Variants in ZFHX4 observed in about 807,000 individuals in gnomAD.
ZFHX4 encodes zinc finger homeobox protein 4.
In ZFHX4, 56 loss-of-function variants were observed where a neutral mutation model predicts 267.6. That is an observed-to-expected ratio of 0.21 (90% CI 0.17 to 0.26). The LOEUF (loss-of-function observed/expected upper bound fraction) is 0.26. Among genes scored for constraint, ZFHX4 ranks in the 10% least tolerant of loss-of-function variants. The probability of loss-of-function intolerance (pLI) is 1.00; values close to 1 mark genes in which losing one functional copy is unlikely to be tolerated. For synonymous variants in ZFHX4, 1,778 were observed against 1,665.6 expected, an observed-to-expected ratio of 1.07 and a Z score of -1.64; for missense variants, 4,332 against 4,420.0, an observed-to-expected ratio of 0.98 and a Z score of 0.56.
At chr8:76,683,558 C>A (rs1371335380) in intron 1 of ZFHX4, among the ~76,000 whole-genome samples, 4 of 151,464 alleles carry the variant, frequency 2.6e-5, no homozygotes, top group Non-Finnish European at 5.9e-5. Context: ...CCCCCCCACC[C>A]TTTTTATTAA....
intron 4 of ZFHX4, among the ~76,000 whole-genome samples, chr8:76,787,051 A>G (rs1393031344): frequency 3.3e-5 from 5 of 152,220 alleles, no homozygotes; most frequent in Non-Finnish European, 7.3e-5. Flanking sequence ...ATCACTGTGT[A>G]TAAATGCATA....
chr8:76,768,705 A>G (rs1202572485), intron 3 of ZFHX4, among the ~76,000 whole-genome samples: 1 of 152,136 alleles, frequency 6.6e-6, no homozygotes, highest in African/African-American at 2.4e-5. Context: ...AGGCCCCAGA[A>G]GGAGATAATT....
intron 10 of ZFHX4, among the ~76,000 whole-genome samples, chr8:76,858,784 A>G (rs1812796059): frequency 6.6e-6 from 1 of 152,230 alleles, no homozygotes; most frequent in African/African-American, 2.4e-5. Flanking sequence ...GAACATTATA[A>G]GTAAAATATT....
At position 76,851,982 on chromosome 8, in the gene ZFHX4, A is replaced by G; in HGVS notation, c.5061A>G (p.Pro1687=). 1 of 1,613,946 alleles carries G rather than the reference A, an allele frequency of 6.2e-7. No homozygotes were observed. Among genetic ancestry groups the G allele is most frequent in the Non-Finnish European group, 8.5e-7 (1 of 1,179,852 alleles). ...TCTCTGCTCAACCTGCACATCACCC[A>G]CCACAGTCACCAGCACAAATTCAGA... ...DLISAQPAHH[P]PQSPAQIQMQ... is the part of the protein sequence containing the mutation. The change falls in exon 10 of 11, where the codon CCA becomes CCG. Residue 1687 remains proline (P), a synonymous_variant. Coordinates refer to ENST00000651372, the MANE Select transcript of ZFHX4 (RefSeq NM_024721.5).
chr8:76,797,748 T>G (rs1811013643), intron 4 of ZFHX4, among the ~76,000 whole-genome samples: 1 of 152,168 alleles, frequency 6.6e-6, no homozygotes, highest in Non-Finnish European at 1.5e-5. Flanking sequence ...CTAGTAATGA[T>G]GCTGCTGGGA....
At chr8:76,840,973 G>T (rs1268220688) in intron 5 of ZFHX4, among the ~76,000 whole-genome samples, 1 of 152,198 alleles carries the variant, frequency 6.6e-6, no homozygotes, top group Non-Finnish European at 1.5e-5. Context: ...AGCGCCAGAA[G>T]AGGTGTTGTT....
chr8:76,804,172 A>G (rs573087714), intron 4 of ZFHX4, among the ~76,000 whole-genome samples: 1 of 152,270 alleles, frequency 6.6e-6, no homozygotes, highest in East Asian at 1.9e-4. Context: ...GATTGATTTA[A>G]CATCAGGTAA....
At position 76,704,785 on chromosome 8, in the gene ZFHX4, C is replaced by A; in HGVS notation, c.697C>A (p.Arg233=). ...GCACAGTTTCCGTGTCTATGATCTC[C>A]GACACAAGAGAGAGAAAGACTATCT... ...VLHSFRVYDL[R]HKREKDYLTS... Residue 233 remains arginine (R), a synonymous_variant, in exon 2 of 11, where the codon CGA becomes AGA. Coordinates refer to ENST00000651372, the MANE Select transcript of ZFHX4 (RefSeq NM_024721.5). 1 of 1,613,950 alleles carries A rather than the reference C, an allele frequency of 6.2e-7. No homozygotes were observed. Among genetic ancestry groups the A allele is most frequent in the South Asian group, 1.1e-5 (1 of 91,056 alleles).
intron 3 of ZFHX4, among the ~76,000 whole-genome samples, chr8:76,775,388 A>G (rs996728201): frequency 2.0e-5 from 3 of 152,220 alleles, no homozygotes; most frequent in Non-Finnish European, 4.4e-5. Context: ...CCAACAAGTC[A>G]GTGGAGTTCT....
intron 3 of ZFHX4, among the ~76,000 whole-genome samples, chr8:76,767,500 T>C (rs1025693894): frequency 1.1e-4 from 16 of 152,272 alleles, no homozygotes; most frequent in East Asian, 3.9e-4. Flanking sequence ...TATGTGGGTA[T>C]TGAAGTCATC....
At chr8:76,835,241 GTA>G (rs144954045) in intron 5 of ZFHX4, among the ~76,000 whole-genome samples, 4,595 of 42,548 alleles carry the variant, frequency 0.11, 308 homozygotes, top group African/African-American at 0.38. Flanking sequence ...ATATATATAT[GTA>G]TATATATATA....
At chr8:76,807,761 T>C (rs1326574350) in intron 4 of ZFHX4, among the ~76,000 whole-genome samples, 1 of 152,130 alleles carries the variant, frequency 6.6e-6, no homozygotes, top group Non-Finnish European at 1.5e-5. Context: ...CAGTTAAAGA[T>C]TTACAATCAA....
intron 9 of ZFHX4, among the ~76,000 whole-genome samples, 156 bp from the exon 10 acceptor site, chr8:76,850,730 A>G (rs1193884938): frequency 6.6e-6 from 1 of 152,156 alleles, no homozygotes; most frequent in Non-Finnish European, 1.5e-5. Flanking sequence ...CCCAGTACCC[A>G]GTCCAGTGCT....
intron 3 of ZFHX4, among the ~76,000 whole-genome samples, chr8:76,773,531 G>A (rs1986697): frequency 0.039 from 5,898 of 152,166 alleles, 153 homozygotes; most frequent in Non-Finnish European, 0.057. Context: ...GTGAAAAACA[G>A]AGTCCCCATC....
intron 4 of ZFHX4, among the ~76,000 whole-genome samples, chr8:76,789,878 A>G (rs1411239281): frequency 1.3e-5 from 2 of 152,156 alleles, no homozygotes; most frequent in African/African-American, 4.8e-5. Context: ...AATGCACGAC[A>G]GAATCTTCTG....
intron 4 of ZFHX4, among the ~76,000 whole-genome samples, chr8:76,828,810 G>C (rs1471583036): frequency 6.6e-6 from 1 of 152,058 alleles, no homozygotes; most frequent in East Asian, 1.9e-4. Flanking sequence ...AAATAACATG[G>C]GATTCATAAT....
At chr8:76,850,813 T>A (rs2131938901) in intron 9 of ZFHX4, 73 bp from the exon 10 acceptor site, 1 of 1,372,908 alleles carries the variant, frequency 7.3e-7, no homozygotes, top group East Asian at 2.5e-5. Flanking sequence ...AGGCTACTAT[T>A]TATAATATTA....
Position 76,854,684 on chromosome 8 carries a change from A to T in ZFHX4, c.7763A>T (p.Asn2588Ile). ...LKRKLDDKED[N>I]NCSEKEGGNS... ...AGGAAACTAGACGATAAAGAAGATA[A>T]TAATTGCAGTGAAAAAGAAGGAGGG... Residue 2588 changes from asparagine to isoleucine, a missense_variant, in exon 10 of 11, where the codon AAT becomes ATT. Physicochemically the swap from Asn to Ile is moderately radical, Grantham distance 149. Transcript: ENST00000651372. 3 of 1,613,808 alleles carry T rather than the reference A, an allele frequency of 1.9e-6. No individual in the cohort carries two copies.
chr8:76,723,667 A>C (rs564674505), intron 3 of ZFHX4, among the ~76,000 whole-genome samples: 1 of 151,970 alleles, frequency 6.6e-6, no homozygotes, highest in East Asian at 1.9e-4. Flanking sequence ...CAGGATGGAC[A>C]TAGGCTTTGC....
Sources: gnomAD v4.1 joint callset for allele counts (sites outside exome capture counted in the v4.1 genomes callset) on GRCh38, gnomAD v4.1.1 for gene constraint, MANE v1.5 for transcripts, NCBI Gene and HGNC (gene_info 2026-07-23, HGNC 2026-07-21) for gene names.